Variants in RALGAPA1 observed in about 807,000 individuals in gnomAD.
The protein encoded by RALGAPA1 is Ral GTPase activating protein catalytic subunit alpha 1, also known as ral GTPase-activating protein subunit alpha-1.
Under a neutral mutation model 269.6 loss-of-function variants are expected in RALGAPA1, and 52 were observed. The observed-to-expected ratio is 0.19, with a 90% CI of 0.15 to 0.24. RALGAPA1 has a LOEUF of 0.24. RALGAPA1 is among the 10% of genes least tolerant of loss of function. The probability of loss-of-function intolerance (pLI) is 1.00; values close to 1 mark genes in which losing one functional copy is unlikely to be tolerated. For missense variants in RALGAPA1, 1,917 were observed against 3,013.9 expected (o/e 0.64, Z 8.52); for synonymous variants, 817 against 1,008.3 (o/e 0.81, Z 3.60).
At chr14:35,790,717 A>T (rs544127984) in intron 1 of RALGAPA1, among the ~76,000 whole-genome samples, 2 of 151,822 alleles carry the variant, frequency 1.3e-5, no homozygotes, top group South Asian at 4.2e-4. Context: ...ACCTTGGAAC[A>T]AGTATAAATA....
At chr14:35,582,546 G>A (rs189730882) in intron 37 of RALGAPA1, among the ~76,000 whole-genome samples, 50 of 152,200 alleles carry the variant, frequency 3.3e-4, no homozygotes, top group African/African-American at 1.1e-3. Context: ...AGGAAAACCT[G>A]AACTAAAATT....
At chr14:35,547,957 T>C (rs2054597992) in intron 41 of RALGAPA1, among the ~76,000 whole-genome samples, 1 of 151,824 alleles carries the variant, frequency 6.6e-6, no homozygotes, top group Non-Finnish European at 1.5e-5. Context: ...GTGTTGTGCC[T>C]TTTGAATTTA....
chr14:35,622,121 C>T (rs2060669968), intron 35 of RALGAPA1, among the ~76,000 whole-genome samples: 1 of 152,308 alleles, frequency 6.6e-6, no homozygotes, highest in African/African-American at 2.4e-5. Flanking sequence ...ACCCAAATGT[C>T]CATCAATGAT....
intron 5 of RALGAPA1, among the ~76,000 whole-genome samples, chr14:35,761,401 G>A (rs1056994690): frequency 6.6e-6 from 1 of 152,076 alleles, no homozygotes; most frequent in Non-Finnish European, 1.5e-5. Flanking sequence ...GGTAAAAGGA[G>A]GAATGGTTAT....
chr14:35,614,976 A>G (rs1345358270), intron 35 of RALGAPA1, among the ~76,000 whole-genome samples: 1 of 152,144 alleles, frequency 6.6e-6, no homozygotes, highest in Admixed American at 6.5e-5. Context: ...AAAGAGAAGC[A>G]GAGTTCAGCT....
chr14:35,740,063 G>A (rs565345776), intron 11 of RALGAPA1, among the ~76,000 whole-genome samples: 24 of 152,090 alleles, frequency 1.6e-4, no homozygotes, highest in Non-Finnish European at 2.6e-4. Context: ...CTATTCACAC[G>A]GTGTGTTACC....
intron 21 of RALGAPA1, among the ~76,000 whole-genome samples, chr14:35,681,931 A>T (rs751785912): frequency 2.0e-5 from 3 of 152,126 alleles, no homozygotes; most frequent in Non-Finnish European, 2.9e-5. Flanking sequence ...GACTTCTTTC[A>T]TTTAGCACAT....
Position 35,740,677 on chromosome 14 carries a change from G to A in RALGAPA1, c.1449+1691C>T, listed in dbSNP as rs370178268. ...AAAAAAATTAGCCAGGCATGGTGGC[G>A]AGTGCCTGTAGTCCCAGCTACTTGG... On this transcript the variant is annotated intron_variant, in intron 11 of 41. Transcript: ENST00000680220. Among the ~76,000 whole-genome samples the A allele has an allele frequency of 9.9e-5, 15 of 152,130 alleles. No individual in the cohort carries two copies. In the South Asian group the frequency reaches 1.5e-3, roughly 15 times the overall value.
intron 14 of RALGAPA1, among the ~76,000 whole-genome samples, chr14:35,724,488 T>TA (rs2140980347): frequency 6.6e-6 from 1 of 152,254 alleles, no homozygotes; most frequent in East Asian, 1.9e-4. Context: ...TCCTCAGATT[T>TA]AAAAAACACA....
chr14:35,789,015 GAT>G (rs1354823461), intron 1 of RALGAPA1, among the ~76,000 whole-genome samples: 1 of 152,064 alleles, frequency 6.6e-6, no homozygotes, highest in Non-Finnish European at 1.5e-5. Context: ...AACATGAAAA[GAT>G]ACACATCTGC....
intron 41 of RALGAPA1, among the ~76,000 whole-genome samples, chr14:35,545,342 A>T (rs1213139407): frequency 6.6e-6 from 1 of 152,114 alleles, no homozygotes; most frequent in African/African-American, 2.4e-5. Flanking sequence ...ATATGGGAAT[A>T]TAGATTTTGC....
intron 37 of RALGAPA1, among the ~76,000 whole-genome samples, chr14:35,590,423 G>T (rs1423899856): frequency 6.6e-6 from 1 of 152,166 alleles, no homozygotes; most frequent in Non-Finnish European, 1.5e-5. Context: ...TAATCACTGG[G>T]TATTGAGAGA....
intron 1 of RALGAPA1, among the ~76,000 whole-genome samples, chr14:35,776,628 A>T (rs1344405463): frequency 6.6e-6 from 1 of 152,214 alleles, no homozygotes; most frequent in East Asian, 1.9e-4. Context: ...GAAACACAAG[A>T]GTACTTTCAA....
chr14:35,677,313 G>A (rs1452772649), intron 22 of RALGAPA1: 1 of 152,278 alleles, frequency 6.6e-6, no homozygotes, highest in African/African-American at 2.4e-5. Context: ...CTCATTAACT[G>A]TGTCTTTGAC....
intron 36 of RALGAPA1, among the ~76,000 whole-genome samples, chr14:35,598,008 G>A (rs2059027363): frequency 1.3e-5 from 2 of 152,154 alleles, no homozygotes; most frequent in South Asian, 4.1e-4. Flanking sequence ...TTGTTGGGTG[G>A]AATATTTTAC....
At chr14:35,770,315 T>A (rs2074518983) in intron 4 of RALGAPA1, among the ~76,000 whole-genome samples, 2 of 152,164 alleles carry the variant, frequency 1.3e-5, no homozygotes, top group African/African-American at 4.8e-5. Flanking sequence ...AAATCACATA[T>A]AATGGTGAAG....
chr14:35,651,385 T>G (rs938092008), intron 31 of RALGAPA1, among the ~76,000 whole-genome samples: 3 of 152,192 alleles, frequency 2.0e-5, no homozygotes, highest in African/African-American at 7.2e-5. Flanking sequence ...CCTAGTAGAA[T>G]GTTTTCGCAG....
intron 35 of RALGAPA1, among the ~76,000 whole-genome samples, chr14:35,622,167 C>T (rs562088881): frequency 3.9e-5 from 6 of 152,222 alleles, no homozygotes; most frequent in African/African-American, 7.2e-5. Flanking sequence ...ATATACACCA[C>T]GGAATACTAT....
chr14:35,610,333 AGTGC>A (rs1566815125), intron 35 of RALGAPA1, among the ~76,000 whole-genome samples: 2 of 149,320 alleles, frequency 1.3e-5, no homozygotes, highest in Non-Finnish European at 3.0e-5. Flanking sequence ...CCCAGGCTGG[AGTGC>A]AGTGGTGTGA....
Sources: allele counts gnomAD v4.1 joint callset (sites outside exome capture counted in the v4.1 genomes callset), GRCh38; gene constraint gnomAD v4.1.1; transcripts MANE v1.5; gene names NCBI Gene and HGNC (gene_info 2026-07-23, HGNC 2026-07-21).